The following RPH3AL variants were observed in gnomAD, a reference collection of about 807,000 sequenced individuals.
RPH3AL encodes the protein rab effector Noc2.
In RPH3AL, 38 loss-of-function variants were observed where a neutral mutation model predicts 43.1. That is an observed-to-expected ratio of 0.88 (90% CI 0.68 to 1.15). The LOEUF is 1.15. Ranked by LOEUF, RPH3AL falls within the 50% of genes most tolerant of loss-of-function variation. RPH3AL has a pLI of 0.00. For missense variants in RPH3AL, 462 were observed against 423.2 expected (o/e 1.09, Z -0.81); for synonymous variants, 189 against 176.3 (o/e 1.07, Z -0.57).
At chr17:244,643 C>T (rs1465102419) in intron 7 of RPH3AL, among the ~76,000 whole-genome samples, 1 of 152,044 alleles carries the variant, frequency 6.6e-6, no homozygotes, top group Non-Finnish European at 1.5e-5. Flanking sequence ...TCACAGCCTC[C>T]GAGTATCTCC....
chr17:289,866 T>G lies in RPH3AL; in HGVS notation c.352-8012A>C, dbSNP rs2043007392. Among the ~76,000 whole-genome samples the G allele has an allele frequency of 6.6e-6, 1 of 152,194 alleles. No homozygotes were observed. The highest frequency in any genetic ancestry group is 1.5e-5 in the Non-Finnish European group (1 of 68,036). On this transcript the variant is annotated intron_variant, in intron 5 of 9. Transcript: ENST00000331302. This position sits in a 1 kb window ranked among gnomAD's most constrained non-coding sequence, Gnocchi z 5.2. ...TCAAGGAAGACTTCCGCAACACTCC[T>G]TCCACAATGAGAGCCTCCAGAATGG...
intron 7 of RPH3AL, among the ~76,000 whole-genome samples, chr17:229,423 G>T (rs550156416): frequency 1.3e-5 from 2 of 152,216 alleles, no homozygotes; most frequent in Non-Finnish European, 2.9e-5. Context: ...AGACAGCAGG[G>T]CCAGCTGGGG....
At chr17:231,045 C>A (rs1343291490) in intron 7 of RPH3AL, among the ~76,000 whole-genome samples, 1 of 152,172 alleles carries the variant, frequency 6.6e-6, no homozygotes, top group African/African-American at 2.4e-5. Flanking sequence ...CATTTCCCTC[C>A]GTATCTGTGT....
chr17:299,424 G>A (rs933167943), intron 5 of RPH3AL, among the ~76,000 whole-genome samples: 10 of 145,626 alleles, frequency 6.9e-5, no homozygotes, highest in East Asian at 2.3e-4. Flanking sequence ...AGGGGCCTCT[G>A]GTGAGGGCCT....
intron 6 of RPH3AL, among the ~76,000 whole-genome samples, chr17:262,499 C>T (rs1215371363): frequency 2.0e-5 from 3 of 151,478 alleles, no homozygotes; most frequent in Non-Finnish European, 4.4e-5. Context: ...CAGGCGTGAG[C>T]CACCGCACCC....
intron 7 of RPH3AL, among the ~76,000 whole-genome samples, chr17:244,107 A>G (rs554205856): frequency 8.0e-6 from 1 of 124,748 alleles, no homozygotes; most frequent in Non-Finnish European, 1.6e-5. Flanking sequence ...TCTATTGATT[A>G]CCCCTCTATT....
rs556320385 is a variant in RPH3AL, at chr17:264,726, G to A, written c.438+17042C>T. Among the ~76,000 whole-genome samples the A allele has an allele frequency of 1.3e-4, 20 of 152,226 alleles. No homozygotes were observed. The South Asian group carries it at 3.5e-3, about 27-fold the overall frequency. ...GAGGATGACCCTTCCACCTGTGACCGGTATCAGCAAAAATGGAACACAGAA... is the reference window on the plus strand; with the variant it reads ...GAGGATGACCCTTCCACCTGTGACCAGTATCAGCAAAAATGGAACACAGAA... On this transcript the variant is annotated intron_variant, in intron 6 of 9. Transcript: ENST00000331302. The surrounding 1 kb of genome is among the most constrained non-coding windows in gnomAD (Gnocchi z 4.8).
chr17:320,374 G>A (rs991066625), intron 4 of RPH3AL, among the ~76,000 whole-genome samples: 4 of 152,134 alleles, frequency 2.6e-5, no homozygotes, highest in Non-Finnish European at 5.9e-5. Flanking sequence ...GGTGGCTCAT[G>A]CCTGACATCC....
At chr17:281,721 A>G (rs745505369) in intron 6 of RPH3AL, 47 bp downstream of exon 6, 4 of 1,132,116 alleles carry the variant, frequency 3.5e-6, no homozygotes, top group Non-Finnish European at 5.0e-6. Flanking sequence ...ATCTGAGGGC[A>G]TATCCAGCCC....
intron 3 of RPH3AL, among the ~76,000 whole-genome samples, chr17:325,150 C>T (rs566418623): frequency 2.7e-4 from 41 of 152,332 alleles, no homozygotes; most frequent in East Asian, 1.2e-3. Context: ...CGTGAGCCAC[C>T]GCGACCGGCC....
At chr17:311,696 G>A (rs144526076) in intron 5 of RPH3AL, among the ~76,000 whole-genome samples, 19 of 152,304 alleles carry the variant, frequency 1.2e-4, no homozygotes, top group African/African-American at 3.8e-4. Flanking sequence ...ACATTTATAC[G>A]AGCACAAAGA....
At chr17:331,260 C>T in intron 2 of RPH3AL, 1 of 224,308 alleles carries the variant, frequency 4.5e-6, no homozygotes, top group Non-Finnish European at 9.2e-6. Context: ...AGCCACAGAG[C>T]CAAATGCTGC....
chr17:301,357 G>A (rs1196778161), intron 5 of RPH3AL, among the ~76,000 whole-genome samples: 1 of 152,194 alleles, frequency 6.6e-6, no homozygotes, highest in East Asian at 1.9e-4. Flanking sequence ...AGGCTAGAGT[G>A]CAGTGGCGGG....
intron 3 of RPH3AL, among the ~76,000 whole-genome samples, chr17:324,485 C>T (rs1375556634): frequency 6.6e-6 from 1 of 152,188 alleles, no homozygotes; most frequent in African/African-American, 2.4e-5. Flanking sequence ...ACCTGCACGT[C>T]TGGGAGCCCC....
chr17:259,713 C>T (rs368863589), intron 6 of RPH3AL, among the ~76,000 whole-genome samples: 207 of 152,350 alleles, frequency 1.4e-3, no homozygotes, highest in Middle Eastern at 0.01. Flanking sequence ...GCCGCCGTGG[C>T]GGTGGCCGGG....
In RPH3AL at chr17:212,761, T is replaced by G. The variant is rs2040705830; in HGVS notation, c.*1091A>C. ...TTTCCAGAAGCATTTGCCCATACTC[T>G]GAATGAAGTATTTTCATGCCAAGCC... On this transcript the variant is annotated 3_prime_UTR_variant, in exon 10 of 10. Transcript: ENST00000331302. 1.3e-5 allele frequency: 2 copies of G among 152,052 alleles called. No individual in the cohort carries two copies. Among genetic ancestry groups the G allele is most frequent in the South Asian group, 4.1e-4 (2 of 4,828 alleles). The allele number at this position is 152,052 out of a possible 1,614,324, so 9.4% of individuals were successfully genotyped here.
At chr17:350,660 CACAAA>C (rs971698323) in intron 1 of RPH3AL, among the ~76,000 whole-genome samples, 1 of 152,286 alleles carries the variant, frequency 6.6e-6, no homozygotes, top group East Asian at 1.9e-4. Flanking sequence ...AGCAGGCCCT[CACAAA>C]ACAAAACAAA....
intron 6 of RPH3AL, among the ~76,000 whole-genome samples, chr17:281,015 C>A (rs1297355075): frequency 6.6e-6 from 1 of 152,204 alleles, no homozygotes; most frequent in African/African-American, 2.4e-5. Flanking sequence ...CCCTGCCTCC[C>A]CAGGGCACTT....
chr17:327,223 A>G (rs112185861), intron 3 of RPH3AL, among the ~76,000 whole-genome samples: 9,342 of 152,308 alleles, frequency 0.061, 403 homozygotes, highest in African/African-American at 0.13. Context: ...TGCCACCCAC[A>G]AGTTAAGTGA....
Sources: gnomAD v4.1 joint callset for allele counts (sites outside exome capture counted in the v4.1 genomes callset) on GRCh38, gnomAD v4.1.1 for gene constraint, Gnocchi (gnomAD v3.1) non-coding constraint, MANE v1.5 for transcripts, NCBI Gene and HGNC (gene_info 2026-07-23, HGNC 2026-07-21) for gene names.